The following CDH13 variants were observed in gnomAD, a reference collection of about 807,000 sequenced individuals.
The protein encoded by CDH13 is cadherin-13.
Under a neutral mutation model 63.8 loss-of-function variants are expected in CDH13, and 24 were observed. The observed-to-expected ratio is 0.38, with a 90% CI of 0.27 to 0.53. CDH13 has a LOEUF of 0.53. Among genes scored for constraint, CDH13 ranks in the 20% least tolerant of loss-of-function variants. CDH13 has a pLI of 0.85. For missense variants in CDH13, 1,049 were observed against 903.1 expected, an observed-to-expected ratio of 1.16 and a Z score of -2.07; for synonymous variants, 503 against 355.3, an observed-to-expected ratio of 1.42 and a Z score of -4.67.
intron 3 of CDH13, among the ~76,000 whole-genome samples, chr16:83,073,354 T>TGTGTGAGAGAGAGA (rs1311548254): frequency 1.4e-4 from 19 of 139,864 alleles, no homozygotes; most frequent in South Asian, 2.3e-4. Context: ...TGTGTGTGTG[T>TGTGTGAGAGAGAGA]GAGAGAGAGA....
chr16:83,710,527 G>A (rs1024855545), intron 10 of CDH13: 1 of 147,378 alleles, frequency 6.8e-6, no homozygotes, highest in South Asian at 2.2e-4. Context: ...GCAAATTCAG[G>A]TGTGTTCAAG....
intron 1 of CDH13, among the ~76,000 whole-genome samples, chr16:82,831,220 C>A (rs544736945): frequency 6.6e-6 from 1 of 152,220 alleles, no homozygotes; most frequent in South Asian, 2.1e-4. Flanking sequence ...AATCCAGGGG[C>A]TTCTTTGCAG....
intron 1 of CDH13, among the ~76,000 whole-genome samples, chr16:82,827,368 A>T (rs1283971796): frequency 6.6e-6 from 1 of 152,142 alleles, no homozygotes; most frequent in Admixed American, 6.5e-5. Context: ...TAAGGTATGA[A>T]GGGGTCAAGC....
intron 6 of CDH13, among the ~76,000 whole-genome samples, chr16:83,400,002 A>T (rs548008712): frequency 1.3e-5 from 2 of 152,308 alleles, no homozygotes; most frequent in African/African-American, 4.8e-5. Flanking sequence ...ATCCTCTAGA[A>T]TTGTATGGTG....
intron 9 of CDH13, among the ~76,000 whole-genome samples, chr16:83,674,463 C>T (rs571870509): frequency 1.3e-5 from 2 of 152,344 alleles, no homozygotes; most frequent in East Asian, 3.9e-4. Flanking sequence ...CTAAGGGTCC[C>T]CCGGCCAATT....
intron 7 of CDH13, among the ~76,000 whole-genome samples, chr16:83,519,096 G>A (rs2074769192): frequency 1.3e-5 from 2 of 152,168 alleles, no homozygotes; most frequent in Non-Finnish European, 2.9e-5. Flanking sequence ...TGGAAGCTTA[G>A]AATCTGGAAG....
At chr16:83,776,603 C>T (rs948582441) in intron 11 of CDH13, among the ~76,000 whole-genome samples, 30 of 152,196 alleles carry the variant, frequency 2.0e-4, no homozygotes, top group Non-Finnish European at 8.8e-5. Context: ...GCTCGCACTT[C>T]TTCATGACTC....
intron 5 of CDH13, among the ~76,000 whole-genome samples, chr16:83,266,725 A>G (rs1015137464): frequency 6.6e-6 from 1 of 152,218 alleles, no homozygotes; most frequent in Non-Finnish European, 1.5e-5. Flanking sequence ...ACAGCACAAC[A>G]AACATCACAA....
chr16:82,837,985 C>G (rs1027394440), intron 1 of CDH13, among the ~76,000 whole-genome samples: 17 of 152,200 alleles, frequency 1.1e-4, no homozygotes, highest in Non-Finnish European at 1.9e-4. Flanking sequence ...CTGCCCAGGA[C>G]TAGAGGTCAT....
In CDH13 at chr16:83,217,417, G is replaced by A; in HGVS notation, c.556G>A (p.Gly186Arg). 6.2e-7 allele frequency: 1 copy of A among 1,613,964 alleles called. No individual in the cohort carries two copies. The highest frequency in any genetic ancestry group is 8.5e-7 in the Non-Finnish European group (1 of 1,179,854). ...TGKGVDQEPK[G>R]IFRINENTGS... ...AAAGGGAGTGGATCAAGAGCCTAAA[G>A]GAATTTTCAGAATCAATGAGAACAC... Residue 186 changes from glycine to arginine, a missense_variant, in exon 5 of 14, where the codon GGA (glycine) becomes AGA (arginine). Transcript: ENST00000567109.
chr16:83,040,512 G>A (rs1443761652), intron 3 of CDH13, among the ~76,000 whole-genome samples: 2 of 152,170 alleles, frequency 1.3e-5, no homozygotes, highest in Non-Finnish European at 2.9e-5. Context: ...AGAACTTGGA[G>A]TGTGATGTTC....
chr16:83,360,348 C>T (rs1023878148), intron 6 of CDH13, among the ~76,000 whole-genome samples: 2 of 152,150 alleles, frequency 1.3e-5, no homozygotes, highest in Non-Finnish European at 2.9e-5. Context: ...AGATAATACA[C>T]GTAGCAGCAG....
intron 4 of CDH13, among the ~76,000 whole-genome samples, chr16:83,215,515 C>G (rs573746724): frequency 6.8e-6 from 1 of 147,830 alleles, no homozygotes; most frequent in Non-Finnish European, 1.5e-5. Flanking sequence ...AAAAAAAAAC[C>G]TGTAATGCCT....
intron 1 of CDH13, among the ~76,000 whole-genome samples, chr16:82,777,324 A>T (rs1278845810): frequency 6.6e-6 from 1 of 152,214 alleles, no homozygotes; most frequent in Non-Finnish European, 1.5e-5. Context: ...AGAAGGTGAG[A>T]CTTGATGTGA....
At chr16:83,336,771 A>G (rs1406960565) in intron 5 of CDH13, among the ~76,000 whole-genome samples, 1 of 152,242 alleles carries the variant, frequency 6.6e-6, no homozygotes, top group Non-Finnish European at 1.5e-5. Context: ...TCACAAGTCC[A>G]TGGACTGTGT....
At chr16:83,264,599 A>G (rs1198193966) in intron 5 of CDH13, among the ~76,000 whole-genome samples, 1 of 151,502 alleles carries the variant, frequency 6.6e-6, no homozygotes, top group Non-Finnish European at 1.5e-5. Context: ...TATGCCCTTT[A>G]AGACTAATGC....
At chr16:83,003,067 A>C (rs1459180503) in intron 2 of CDH13, among the ~76,000 whole-genome samples, 4 of 152,222 alleles carry the variant, frequency 2.6e-5, no homozygotes, top group Non-Finnish European at 4.4e-5. Flanking sequence ...TGGTGGTACT[A>C]GAATAGGAAT....
intron 2 of CDH13, among the ~76,000 whole-genome samples, chr16:82,931,280 T>G (rs2151295324): frequency 6.6e-6 from 1 of 152,330 alleles, no homozygotes; most frequent in Admixed American, 6.5e-5. Context: ...AAATAATACT[T>G]TTTTGAAAGC....
At chr16:83,148,363 T>G (rs561087402) in intron 4 of CDH13, among the ~76,000 whole-genome samples, 1 of 151,792 alleles carries the variant, frequency 6.6e-6, no homozygotes, top group East Asian at 1.9e-4. Context: ...GTAGACAACA[T>G]GGGTGGTGCC....
Sources: gnomAD v4.1 joint callset for allele counts (sites outside exome capture counted in the v4.1 genomes callset) on GRCh38, gnomAD v4.1.1 for gene constraint, MANE v1.5 for transcripts, NCBI Gene and HGNC (gene_info 2026-07-23, HGNC 2026-07-21) for gene names.